The following FUBP3 variants were observed in gnomAD, a reference collection of about 807,000 sequenced individuals.
FUBP3 encodes far upstream element-binding protein 3.
FUBP3 carries 28 observed loss-of-function variants against 85.6 expected under a neutral mutation model. The ratio of observed to expected loss-of-function variants is 0.33; its 90% confidence interval spans 0.24 to 0.45. The LOEUF is 0.45. Among genes scored for constraint, FUBP3 ranks in the 20% least tolerant of loss-of-function variants. FUBP3 has a pLI of 1.00. For synonymous variants in FUBP3, 271 were observed against 271.4 expected, an observed-to-expected ratio of 1.00 and a Z score of 0.01; for missense variants, 583 against 755.1, an observed-to-expected ratio of 0.77 and a Z score of 2.67.
intron 2 of FUBP3, among the ~76,000 whole-genome samples, chr9:130,597,279 T>A (rs1406434189): frequency 6.6e-6 from 1 of 152,120 alleles, no homozygotes; most frequent in African/African-American, 2.4e-5. Flanking sequence ...TAGACCCAAA[T>A]AACACCTCCA....
At position 130,635,219 on chromosome 9, in the gene FUBP3, A is replaced by G. The variant is rs946435100; in HGVS notation, c.1582+481A>G. ...AGCTGGGTGCTTAGTTTCTCTTCTT[A>G]AGTAGGCCCGTTTTCTAACTACCAG... On this transcript the variant is annotated intron_variant, in intron 17 of 18. Transcript: ENST00000319725. This position sits in a 1 kb window ranked among gnomAD's most constrained non-coding sequence, Gnocchi z 4.3. 6.6e-6 allele frequency among the ~76,000 whole-genome samples: 1 copy of G among 152,102 alleles called. No homozygotes were observed. The highest frequency in any genetic ancestry group is 1.5e-5 in the Non-Finnish European group (1 of 68,020).
In FUBP3 at chr9:130,616,584, A is replaced by C; in HGVS notation, c.567+67A>C. On this transcript the variant is annotated intron_variant, in intron 7 of 18. Coordinates refer to ENST00000319725, the MANE Select transcript of FUBP3 (RefSeq NM_003934.2). The surrounding 1 kb of genome is among the most constrained non-coding windows in gnomAD (Gnocchi z 4.7). ...CAGGTCTTCAGCTTCCTGGCCCAGG[A>C]GATCTGCTTACGGCTGGCATTCCCT... The C allele has an allele frequency of 6.8e-7, 1 of 1,471,634 alleles. No individual in the cohort carries two copies. The highest frequency in any genetic ancestry group is 1.2e-5 in the South Asian group (1 of 86,060). The allele number at this position is 1,471,634 out of a possible 1,614,324, so 91.2% of individuals were successfully genotyped here. A position where few individuals can be genotyped will look rare whatever the true frequency, so the allele number is the denominator to read the frequency against.
At chr9:130,613,953 T>C (rs914935622) in intron 5 of FUBP3, among the ~76,000 whole-genome samples, 2 of 152,180 alleles carry the variant, frequency 1.3e-5, no homozygotes, top group Non-Finnish European at 2.9e-5. Context: ...AAACTACAAA[T>C]GGAGAAACTG....
chr9:130,604,082 A>G (rs987825994), intron 2 of FUBP3, among the ~76,000 whole-genome samples: 2 of 152,358 alleles, frequency 1.3e-5, no homozygotes, highest in South Asian at 2.1e-4. Flanking sequence ...GAGTACATCC[A>G]GCAACTTGGA....
chr9:130,588,562 G>C (rs1830450007), intron 1 of FUBP3, among the ~76,000 whole-genome samples: 1 of 152,176 alleles, frequency 6.6e-6, no homozygotes, highest in Non-Finnish European at 1.5e-5. Flanking sequence ...GTTCCTTACT[G>C]TGCACCCGGC....
At chr9:130,636,308 C>A in intron 18 of FUBP3, 182 bp downstream of exon 18, 3 of 716,168 alleles carry the variant, frequency 4.2e-6, no homozygotes, top group Non-Finnish European at 5.0e-6. Context: ...TCCCTCCTCG[C>A]TCTGGAGAAA....
intron 9 of FUBP3, 127 bp downstream of exon 9, chr9:130,620,585 G>A: frequency 2.0e-6 from 1 of 492,910 alleles, no homozygotes; most frequent in South Asian, 3.3e-5. Context: ...GAATTCTCTG[G>A]CTCCTTAGGG....
At chr9:130,626,313 A>T (rs752965050) in intron 11 of FUBP3, 51 bp from the exon 12 acceptor site, 19 of 1,570,774 alleles carry the variant, frequency 1.2e-5, no homozygotes, top group Non-Finnish European at 1.6e-5. Context: ...AGAGAGGAGC[A>T]GTGGTGCTGT....
At chr9:130,626,623 C>G (rs1217002463) in intron 12 of FUBP3, 118 bp downstream of exon 12, 2 of 1,030,272 alleles carry the variant, frequency 1.9e-6, no homozygotes, top group African/African-American at 1.6e-5. Flanking sequence ...TGGGGCTGCC[C>G]GGTCTGGAGG....
rs1314970678 is a variant in FUBP3, at chr9:130,612,612, G to C, written c.274+107G>C. ...TGTTCTTTTTGTTTTAATCTCTCTT[G>C]TGAGTATCACCTGTAGTAGAATGCT... On this transcript the variant is annotated intron_variant, in intron 4 of 18. Coordinates refer to ENST00000319725, the MANE Select transcript of FUBP3 (RefSeq NM_003934.2). The surrounding 1 kb of genome is among the most constrained non-coding windows in gnomAD (Gnocchi z 4.1). 5 of 765,962 alleles carry C rather than the reference G, an allele frequency of 6.5e-6. No homozygotes were observed. The highest frequency in any genetic ancestry group is 1.2e-5 in the Non-Finnish European group (5 of 433,834). The allele number at this position is 765,962 out of a possible 1,614,324, so 47.4% of individuals were successfully genotyped here. A position where few individuals can be genotyped will look rare whatever the true frequency, so the allele number is the denominator to read the frequency against.
Position 130,635,803 on chromosome 9 carries a change from A to T in FUBP3, c.1583-196A>T, listed in dbSNP as rs1047703960. On this transcript the variant is annotated intron_variant, in intron 17 of 18. Coordinates refer to ENST00000319725, the MANE Select transcript of FUBP3 (RefSeq NM_003934.2). The surrounding 1 kb of genome is among the most constrained non-coding windows in gnomAD (Gnocchi z 4.3). ...GAGGATTGGTCTTCACAGGCATAGC[A>T]GGGGCCGGGCAACAAGAGGCTAACA... 1.7e-6 allele frequency: 1 copy of T among 593,236 alleles called. No homozygotes were observed. Among genetic ancestry groups the T allele is most frequent in the Non-Finnish European group, 3.0e-6 (1 of 335,390 alleles). 36.7% of individuals were successfully genotyped at this position (593,236 alleles called of 1,614,324 possible). A position where few individuals can be genotyped will look rare whatever the true frequency, so the allele number is the denominator to read the frequency against.
Position 130,588,045 on chromosome 9 carries a change from C to T in FUBP3, c.85-7438C>T, listed in dbSNP as rs1830428864. Among the ~76,000 whole-genome samples the T allele has an allele frequency of 2.0e-5, 3 of 152,144 alleles. No individual in the cohort carries two copies. The South Asian group carries it at 6.2e-4, about 32-fold the overall frequency. ...AGCAGGGCAGGATCAGCCGGGGCCCCATCTCTGATGACAACAATAGTTCTC... is the reference window on the plus strand; with the variant it reads ...AGCAGGGCAGGATCAGCCGGGGCCCTATCTCTGATGACAACAATAGTTCTC... On this transcript the variant is annotated intron_variant, in intron 1 of 18. Transcript: ENST00000319725.
intron 12 of FUBP3, among the ~76,000 whole-genome samples, chr9:130,628,958 G>A (rs1830102708): frequency 6.6e-6 from 1 of 152,144 alleles, no homozygotes; most frequent in Admixed American, 6.5e-5. Flanking sequence ...TAGTAGAGAC[G>A]GGGTTTCTCC....
chr9:130,590,670 T>G (rs999427172), intron 1 of FUBP3, among the ~76,000 whole-genome samples: 2 of 152,190 alleles, frequency 1.3e-5, no homozygotes, highest in African/African-American at 4.8e-5. Context: ...AAGTAACTAC[T>G]GTTTAAAATG....
At chr9:130,634,041 G>A (rs1193884261) in intron 16 of FUBP3, among the ~76,000 whole-genome samples, 1 of 152,178 alleles carries the variant, frequency 6.6e-6, no homozygotes, top group Non-Finnish European at 1.5e-5. Flanking sequence ...TCTTGTGCCT[G>A]GCAGGGTGCT....
chr9:130,635,967 C>G lies in FUBP3; in HGVS notation c.1583-32C>G. On this transcript the variant is annotated intron_variant, in intron 17 of 18. Coordinates refer to ENST00000319725, the MANE Select transcript of FUBP3 (RefSeq NM_003934.2). The surrounding 1 kb of genome is among the most constrained non-coding windows in gnomAD (Gnocchi z 4.3). Reference sequence around the variant, plus strand: ...GTCCTGCCCAGTGCACCTCCGCTCCCGATAACCTGTGTTTCCTCCTTTGTC... The same window carrying G: ...GTCCTGCCCAGTGCACCTCCGCTCCGGATAACCTGTGTTTCCTCCTTTGTC... 1 of 1,609,126 alleles carries G rather than the reference C, an allele frequency of 6.2e-7. No homozygotes were observed. The highest frequency in any genetic ancestry group is 8.5e-7 in the Non-Finnish European group (1 of 1,177,714).
chr9:130,614,805 C>T (rs1286048066), intron 6 of FUBP3, among the ~76,000 whole-genome samples: 4 of 152,194 alleles, frequency 2.6e-5, no homozygotes, highest in Non-Finnish European at 1.5e-5. Flanking sequence ...CTTTGCTCTA[C>T]TCAGAGGGCC....
intron 1 of FUBP3, among the ~76,000 whole-genome samples, chr9:130,585,612 C>G (rs1282368983): frequency 6.6e-6 from 1 of 152,200 alleles, no homozygotes; most frequent in African/African-American, 2.4e-5. Context: ...TACTGTAGGA[C>G]TTCTCAGAAC....
chr9:130,602,764 CA>C (rs1238454575), intron 2 of FUBP3, among the ~76,000 whole-genome samples: 1 of 152,126 alleles, frequency 6.6e-6, no homozygotes, highest in Non-Finnish European at 1.5e-5. Flanking sequence ...GGGCAGTCAT[CA>C]TCAAGGGCAG....
Sources: gnomAD v4.1 joint callset for allele counts (sites outside exome capture counted in the v4.1 genomes callset) on GRCh38, gnomAD v4.1.1 for gene constraint, Gnocchi (gnomAD v3.1) non-coding constraint, MANE v1.5 for transcripts, NCBI Gene and HGNC (gene_info 2026-07-23, HGNC 2026-07-21) for gene names.